PCSK2: variants seen among roughly 807,000 people sequenced by gnomAD.
PCSK2 encodes neuroendocrine convertase 2.
A neutral mutation model predicts 69.7 loss-of-function variants in PCSK2; 14 were observed. The ratio of observed to expected loss-of-function variants is 0.20; its 90% confidence interval spans 0.13 to 0.31. PCSK2 has a LOEUF of 0.31. Among genes scored for constraint, PCSK2 ranks in the 10% least tolerant of loss-of-function variants. The pLI, the probability that PCSK2 is intolerant of heterozygous loss-of-function variation, is 1.00. For synonymous variants in PCSK2, 307 were observed against 320.7 expected (o/e 0.96, Z 0.46); for missense variants, 544 against 842.5 (o/e 0.65, Z 4.39).
intron 6 of PCSK2, among the ~76,000 whole-genome samples, chr20:17,419,170 C>T (rs760263579): frequency 3.9e-5 from 6 of 152,200 alleles, no homozygotes; most frequent in Middle Eastern, 3.2e-3. Flanking sequence ...TTAAACTCCA[C>T]GCCAAGGGTG....
At chr20:17,338,924 T>C (rs1298084697) in intron 2 of PCSK2, among the ~76,000 whole-genome samples, 1 of 152,158 alleles carries the variant, frequency 6.6e-6, no homozygotes, top group Non-Finnish European at 1.5e-5. Context: ...TCCTTAAAAT[T>C]CAAGATAGAA....
At chr20:17,301,689 T>G (rs150552994) in intron 2 of PCSK2, among the ~76,000 whole-genome samples, 11,865 of 152,116 alleles carry the variant, frequency 0.078, 657 homozygotes, top group South Asian at 0.28. Flanking sequence ...TCCCAACACT[T>G]TGGGAGTCCA....
At chr20:17,277,397 C>G (rs1378097574) in intron 2 of PCSK2, among the ~76,000 whole-genome samples, 1 of 151,972 alleles carries the variant, frequency 6.6e-6, no homozygotes, top group African/African-American at 2.4e-5. Context: ...CAGAACAGAG[C>G]CCTCAGAAAT....
intron 7 of PCSK2, among the ~76,000 whole-genome samples, chr20:17,431,315 G>A (rs913801783): frequency 6.6e-6 from 1 of 152,178 alleles, no homozygotes; most frequent in Admixed American, 6.5e-5. Flanking sequence ...TTGTTCGGGG[G>A]TGCCGTCGGG....
chr20:17,307,419 G>A (rs1185815413), intron 2 of PCSK2, among the ~76,000 whole-genome samples: 1 of 152,202 alleles, frequency 6.6e-6, no homozygotes, highest in East Asian at 1.9e-4. Flanking sequence ...TCATAAGAAT[G>A]AGCCATGGGG....
intron 4 of PCSK2, among the ~76,000 whole-genome samples, chr20:17,363,374 C>T (rs2030470240): frequency 6.6e-6 from 1 of 152,212 alleles, no homozygotes; most frequent in Non-Finnish European, 1.5e-5. Context: ...TAGGAGAGGA[C>T]CTCCATGGTT....
intron 5 of PCSK2, among the ~76,000 whole-genome samples, chr20:17,379,188 T>C (rs1484931128): frequency 6.6e-6 from 1 of 152,188 alleles, no homozygotes; most frequent in Non-Finnish European, 1.5e-5. Flanking sequence ...TCTGAACCCA[T>C]GTCCCCCACC....
chr20:17,384,415 C>T (rs1042384763), intron 5 of PCSK2, among the ~76,000 whole-genome samples: 3 of 133,894 alleles, frequency 2.2e-5, no homozygotes, highest in Non-Finnish European at 4.8e-5. Context: ...CAGCGAAGCT[C>T]CATATCTACC....
At chr20:17,369,713 G>A (rs1359407243) in intron 5 of PCSK2, among the ~76,000 whole-genome samples, 2 of 152,212 alleles carry the variant, frequency 1.3e-5, no homozygotes, top group Non-Finnish European at 2.9e-5. Context: ...TAGGTACAGG[G>A]AGGGGGAAGA....
intron 2 of PCSK2, among the ~76,000 whole-genome samples, chr20:17,270,672 A>G (rs1280866957): frequency 6.6e-6 from 1 of 152,174 alleles, no homozygotes; most frequent in East Asian, 1.9e-4. Context: ...AGTAAAGAAT[A>G]GTTTAATGGA....
intron 1 of PCSK2, among the ~76,000 whole-genome samples, chr20:17,245,993 T>C (rs1006960985): frequency 2.0e-5 from 3 of 152,194 alleles, no homozygotes; most frequent in Non-Finnish European, 4.4e-5. Context: ...TCATCCACAC[T>C]GAATAGCACA....
intron 2 of PCSK2, among the ~76,000 whole-genome samples, chr20:17,275,112 T>TATATATATATATATAA (rs1555783895): frequency 7.4e-6 from 1 of 135,250 alleles, no homozygotes; most frequent in African/African-American, 2.7e-5. Context: ...TATATATATA[T>TATATATATATATATAA]AATGTTGGGC....
chr20:17,273,314 T>A (rs1438456288), intron 2 of PCSK2, among the ~76,000 whole-genome samples: 14 of 152,162 alleles, frequency 9.2e-5, no homozygotes, highest in Admixed American at 9.2e-4. Flanking sequence ...TAACCTTCAC[T>A]AATTGTCTTC....
chr20:17,416,434 T>C (rs376379940), intron 6 of PCSK2, among the ~76,000 whole-genome samples: 3 of 152,158 alleles, frequency 2.0e-5, no homozygotes, highest in Non-Finnish European at 2.9e-5. Flanking sequence ...CTCATCATCA[T>C]TGGTCATCAG....
chr20:17,347,800 GAAAGAA>G (rs1568611946), intron 2 of PCSK2, among the ~76,000 whole-genome samples: 1 of 68,820 alleles, frequency 1.5e-5, no homozygotes, highest in African/African-American at 5.9e-5. Flanking sequence ...AAGAAAGAAA[GAAAGAA>G]AGAAAGAAAG....
chr20:17,451,076 C>A (rs760987925), intron 8 of PCSK2, among the ~76,000 whole-genome samples: 3 of 152,166 alleles, frequency 2.0e-5, no homozygotes, highest in Non-Finnish European at 4.4e-5. Flanking sequence ...TCACCAGAAG[C>A]AAGGACACAA....
At position 17,332,916 on chromosome 20, in the gene PCSK2, G is replaced by C. The variant is rs186085910; in HGVS notation, c.283-25411G>C. 2.6e-5 allele frequency among the ~76,000 whole-genome samples: 4 copies of C among 152,254 alleles called. No homozygotes were observed. The East Asian group carries it at 7.7e-4, about 29-fold the overall frequency. On this transcript the variant is annotated intron_variant, in intron 2 of 11. Transcript: ENST00000262545. ...TCCTACCTTATTTTGGGCTTTGGCT[G>C]CTCTAAAAATGAAAAGTTTTGAAAA...
chr20:17,307,120 T>C (rs528061019), intron 2 of PCSK2, among the ~76,000 whole-genome samples: 2 of 152,338 alleles, frequency 1.3e-5, no homozygotes, highest in African/African-American at 4.8e-5. Flanking sequence ...TGCAGAGTTA[T>C]TTCACAGGCT....
intron 5 of PCSK2, among the ~76,000 whole-genome samples, chr20:17,387,994 T>C (rs1208414843): frequency 6.6e-6 from 1 of 152,158 alleles, no homozygotes; most frequent in Admixed American, 6.5e-5. Context: ...ATCCCTATGC[T>C]GATACCTTAA....
Sources: gnomAD v4.1 joint callset for allele counts (sites outside exome capture counted in the v4.1 genomes callset) on GRCh38, gnomAD v4.1.1 for gene constraint, MANE v1.5 for transcripts, NCBI Gene and HGNC (gene_info 2026-07-23, HGNC 2026-07-21) for gene names.